Variants in FNTA observed in about 807,000 individuals in gnomAD.
FNTA encodes farnesyltransferase, CAAX box, subunit alpha, also known as protein farnesyltransferase/geranylgeranyltransferase type-1 subunit alpha.
FNTA carries 27 observed loss-of-function variants against 55.2 expected under a neutral mutation model. The ratio of observed to expected loss-of-function variants is 0.49; its 90% CI spans 0.36 to 0.67. FNTA has a LOEUF of 0.67. FNTA is among the 30% of genes least tolerant of loss of function. The pLI, the probability that FNTA is intolerant of heterozygous loss-of-function variation, is 0.00. For missense variants in FNTA, 422 were observed against 464.7 expected (o/e 0.91, Z 0.85); for synonymous variants, 176 against 170.7 (o/e 1.03, Z -0.24).
At chr8:43,058,559 C>G (rs555911011) in intron 1 of FNTA, among the ~76,000 whole-genome samples, 1 of 152,174 alleles carries the variant, frequency 6.6e-6, no homozygotes, top group Admixed American at 6.5e-5. Flanking sequence ...ATCACCAGGT[C>G]AAGAGATTGA....
intron 5 of FNTA, among the ~76,000 whole-genome samples, chr8:43,075,878 T>C (rs1327457993): frequency 6.7e-6 from 1 of 149,022 alleles, no homozygotes; most frequent in East Asian, 1.9e-4. Context: ...TTTTTCTTTT[T>C]CTTTTTTTTT....
chr8:43,066,732 T>C (rs993798645), intron 3 of FNTA, among the ~76,000 whole-genome samples: 1 of 152,076 alleles, frequency 6.6e-6, no homozygotes, highest in African/African-American at 2.4e-5. Context: ...ACAGGAAAAA[T>C]CCTGATTGGA....
intron 3 of FNTA, among the ~76,000 whole-genome samples, chr8:43,065,067 C>T (rs1810622668): frequency 1.3e-5 from 2 of 151,812 alleles, no homozygotes; most frequent in Admixed American, 6.6e-5. Flanking sequence ...ATCTCCTGAC[C>T]TCGTGATCCG....
chr8:43,064,457 C>T (rs534517440), intron 3 of FNTA, among the ~76,000 whole-genome samples: 9 of 151,578 alleles, frequency 5.9e-5, no homozygotes, highest in African/African-American at 1.5e-4. Context: ...GGATTACGGG[C>T]GCCCACCACC....
At chr8:43,069,463 A>G in intron 3 of FNTA, 92 bp from the exon 4 acceptor site, 1 of 789,324 alleles carries the variant, frequency 1.3e-6, no homozygotes, top group South Asian at 1.6e-5. Flanking sequence ...AAATTTGTCT[A>G]ACTGTATTGC....
chr8:43,059,565 C>T lies in FNTA; in HGVS notation c.286+388C>T, dbSNP rs544798702. Among the ~76,000 whole-genome samples, 17 of 152,160 alleles carry T rather than the reference C, an allele frequency of 1.1e-4. No individual in the cohort carries two copies. The South Asian group carries it at 2.3e-3, about 20-fold the overall frequency. ...ATCAGGATTTAAACATATATTTTGG[C>T]AGTGAAGTGTTCAGCTCAGTTGGAA... is the stretch of plus-strand genomic sequence containing the variant. On this transcript the variant is annotated intron_variant, in intron 2 of 8. Transcript: ENST00000302279.
intron 1 of FNTA, among the ~76,000 whole-genome samples, chr8:43,057,905 C>T (rs1307529618): frequency 2.1e-5 from 3 of 146,152 alleles, no homozygotes; most frequent in Non-Finnish European, 4.4e-5. Context: ...TTGCAATGAG[C>T]GGAGATTGCG....
intron 3 of FNTA, among the ~76,000 whole-genome samples, chr8:43,065,540 C>CCTGGCCTGAATATTCTTTTTTAA (rs1810635666): frequency 1.2e-4 from 18 of 151,906 alleles, no homozygotes; most frequent in African/African-American, 4.1e-4. Flanking sequence ...AGCCACTGTG[C>CCTGGCCTGAATATTCTTTTTTAA]ACGGCTGCTG....
intron 4 of FNTA, chr8:43,070,452 G>A (rs1207865443): frequency 6.6e-6 from 1 of 152,194 alleles, no homozygotes; most frequent in Non-Finnish European, 1.5e-5. Context: ...GAGAGTTGCA[G>A]ACCCTCACTA....
At chr8:43,080,885 C>T (rs1335947831) in intron 6 of FNTA, 1 of 152,154 alleles carries the variant, frequency 6.6e-6, no homozygotes, top group African/African-American at 2.4e-5. Context: ...AAACGTTTAG[C>T]CTTTTCAGAG....
chr8:43,059,617 G>C (rs958927767), intron 2 of FNTA, among the ~76,000 whole-genome samples: 11 of 152,154 alleles, frequency 7.2e-5, no homozygotes, highest in East Asian at 3.8e-4. Context: ...AAAATGAGTG[G>C]ATTTTTTTCT....
chr8:43,077,964 G>A (rs1810947923), intron 6 of FNTA: 1 of 152,180 alleles, frequency 6.6e-6, no homozygotes, highest in Admixed American at 6.5e-5. Context: ...GTGTCTGAGT[G>A]TCTGTTTTAC....
intron 5 of FNTA, among the ~76,000 whole-genome samples, chr8:43,074,710 C>CA (rs755111231): frequency 1.8e-4 from 28 of 152,086 alleles, no homozygotes; most frequent in Non-Finnish European, 2.4e-4. Context: ...CTTGAAACAG[C>CA]AAAATTATAG....
At chr8:43,059,529 G>A (rs901163876) in intron 2 of FNTA, among the ~76,000 whole-genome samples, 3 of 152,122 alleles carry the variant, frequency 2.0e-5, no homozygotes, top group African/African-American at 7.2e-5. Context: ...ATAAACTTTG[G>A]TTGCTGAAAC....
At position 43,056,402 on chromosome 8, in the gene FNTA, C is replaced by G; in HGVS notation, c.56C>G (p.Pro19Arg). Residue 19 changes from proline to arginine, a missense_variant, in exon 1 of 9, where the codon CCG (proline) becomes CGG (arginine). Pro to Arg is a moderately radical substitution (Grantham distance 103). Coordinates refer to ENST00000302279, the MANE Select transcript of FNTA (RefSeq NM_002027.3). ...EAAQGGEPGQ[P>R]AQPPPQPHPP... ...GCGCAAGGGGGCGAGCCCGGGCAGC[C>G]GGCGCAACCCCCGCCCCAGCCGCAC... The G allele has an allele frequency of 6.6e-7, 1 of 1,511,882 alleles. No homozygotes were observed. Among genetic ancestry groups the G allele is most frequent in the Non-Finnish European group, 8.8e-7 (1 of 1,133,238 alleles). The allele number at this position is 1,511,882 out of a possible 1,614,324, so 93.7% of individuals were successfully genotyped here.
At chr8:43,077,462 A>T (rs559840366) in intron 6 of FNTA, 98 bp downstream of exon 6, 15 of 887,762 alleles carry the variant, frequency 1.7e-5, no homozygotes, top group Admixed American at 2.4e-5. Context: ...ATCCTACCCC[A>T]TGGAACTAAA....
At position 43,056,609 on chromosome 8, in the gene FNTA, C is replaced by G. The variant is rs1459723066; in HGVS notation, c.200+63C>G. On this transcript the variant is annotated intron_variant, in intron 1 of 8. Transcript: ENST00000302279. ...CTGGAGGCCCAGCGGCCCCAAGACC[C>G]GCGGCGCGCGCTTCCGGCCCCGGCG... 3.6e-6 allele frequency: 4 copies of G among 1,099,080 alleles called. No individual in the cohort carries two copies. The African/African-American group carries it at 4.9e-5, about 13-fold the overall frequency. The allele number at this position is 1,099,080 out of a possible 1,614,324, so 68.1% of individuals were successfully genotyped here.
chr8:43,069,461 C>CT lies in FNTA; in HGVS notation c.402-93dup, dbSNP rs1227125762. 9.1e-6 allele frequency: 7 copies of CT among 772,736 alleles called. No homozygotes were observed. In the East Asian group the frequency reaches 1.5e-4, roughly 17 times the overall value. The allele number at this position is 772,736 out of a possible 1,614,324, so 47.9% of individuals were successfully genotyped here. A position where few individuals can be genotyped will look rare whatever the true frequency, so the allele number is the denominator to read the frequency against. On this transcript the variant is annotated intron_variant, in intron 3 of 8. Transcript: ENST00000302279. ...TACAGATTACCTGCCAAAAATTTGT[C>CT]TAACTGTATTGCTGACTTGTAGCTG...
At chr8:43,056,852 A>AT (rs1810419405) in intron 1 of FNTA, 1 of 156,526 alleles carries the variant, frequency 6.4e-6, no homozygotes, top group South Asian at 2.1e-4. Flanking sequence ...ATTCGTAAAT[A>AT]TAAGAAATTT....
Sources: gnomAD v4.1 joint callset for allele counts (sites outside exome capture counted in the v4.1 genomes callset) on GRCh38, gnomAD v4.1.1 for gene constraint, MANE v1.5 for transcripts, NCBI Gene and HGNC (gene_info 2026-07-23, HGNC 2026-07-21) for gene names.